The following CEP192 variants were observed in gnomAD, a reference collection of about 807,000 sequenced individuals.
CEP192 encodes centrosomal protein of 192 kDa.
In CEP192, 151 loss-of-function variants were observed where a neutral mutation model predicts 271.8. The ratio of observed to expected loss-of-function variants is 0.56; its 90% confidence interval spans 0.49 to 0.64. CEP192 has a LOEUF of 0.64. Among genes scored for constraint, CEP192 ranks in the 30% least tolerant of loss-of-function variants. The pLI, the probability that CEP192 is intolerant of heterozygous loss-of-function variation, is 0.00. For missense variants in CEP192, 2,910 were observed against 3,020.5 expected (o/e 0.96, Z 0.86); for synonymous variants, 995 against 1,076.5 (o/e 0.92, Z 1.48).
At chr18:13,066,790 C>G (rs80132241) in intron 21 of CEP192, among the ~76,000 whole-genome samples, 2,793 of 152,248 alleles carry the variant, frequency 0.018, 84 homozygotes, top group East Asian at 0.13. Flanking sequence ...TCACAACAAG[C>G]TTGAAGTCAC....
chr18:13,093,293 G>A (rs758299046), intron 34 of CEP192, among the ~76,000 whole-genome samples: 1 of 152,170 alleles, frequency 6.6e-6, no homozygotes, highest in Non-Finnish European at 1.5e-5. Flanking sequence ...TTCCAATAAT[G>A]TCCTTTATGT....
chr18:13,068,435 C>T lies in CEP192; in HGVS notation c.4822+13C>T, dbSNP rs1470958705. 9.4e-6 allele frequency: 15 copies of T among 1,590,366 alleles called. No individual in the cohort carries two copies. Among genetic ancestry groups the T allele is most frequent in the East Asian group, 6.7e-5 (3 of 44,580 alleles). ...ATCAGCTCTTCAGGTATCATGTTTA[C>T]ACTGTGTGGGAATTGCTTTAATCTG... On this transcript the variant is annotated intron_variant, in intron 24 of 44. Coordinates refer to ENST00000506447, the MANE Select transcript of CEP192 (RefSeq NM_032142.4).
At chr18:13,019,394 A>C (rs2034855916) in intron 9 of CEP192, among the ~76,000 whole-genome samples, 188 bp downstream of exon 9, 1 of 152,172 alleles carries the variant, frequency 6.6e-6, no homozygotes, top group South Asian at 2.1e-4. Context: ...ATTTTCTTGC[A>C]TTTAAATATT....
intron 40 of CEP192, among the ~76,000 whole-genome samples, chr18:13,110,431 ATT>A (rs58685532): frequency 1.1e-4 from 16 of 146,308 alleles, no homozygotes; most frequent in East Asian, 4.0e-4. Flanking sequence ...TAATCAATTG[ATT>A]TTTTTTTTTT....
intron 41 of CEP192, 73 bp downstream of exon 41, chr18:13,113,778 G>A: frequency 7.1e-7 from 1 of 1,412,334 alleles, no homozygotes; most frequent in Non-Finnish European, 9.6e-7. Context: ...AATAAGAAAA[G>A]TTGGCCTGAA....
In CEP192 at chr18:13,014,299, C is replaced by G. The variant is rs186453569; in HGVS notation, c.520-1029C>G. ...AACAAAAGTATAGAAACATGAGATG[C>G]TTGATTAAAAAGAGGAAGAAATGAG... On this transcript the variant is annotated intron_variant, in intron 5 of 44. Transcript: ENST00000506447. 9.0e-4 allele frequency among the ~76,000 whole-genome samples: 137 copies of G among 152,178 alleles called. 1 individual carries two copies. Among genetic ancestry groups the G allele is most frequent in the African/African-American group, 3.0e-3 (125 of 41,508 alleles).
intron 21 of CEP192, 22 bp from the exon 22 acceptor site, chr18:13,067,809 A>C: frequency 6.3e-7 from 1 of 1,589,804 alleles, no homozygotes; most frequent in Non-Finnish European, 8.6e-7. Context: ...TTCATAAATC[A>C]TTCCCTTTTT....
At chr18:13,081,629 T>C (rs546991226) in intron 30 of CEP192, among the ~76,000 whole-genome samples, 2 of 152,342 alleles carry the variant, frequency 1.3e-5, no homozygotes, top group South Asian at 4.1e-4. Flanking sequence ...TTTGTGTCTC[T>C]ATCTCCTTCA....
At chr18:13,050,959 A>G (rs2036754103) in intron 17 of CEP192, among the ~76,000 whole-genome samples, 1 of 152,176 alleles carries the variant, frequency 6.6e-6, no homozygotes, top group Non-Finnish European at 1.5e-5. Context: ...ATGGTGTAGT[A>G]TGTTTACAGT....
At chr18:12,999,383 G>T in intron 1 of CEP192, 38 bp from the exon 2 acceptor site, 1 of 1,363,796 alleles carries the variant, frequency 7.3e-7, no homozygotes, top group Non-Finnish European at 9.8e-7. Flanking sequence ...ACATTTTATA[G>T]TAATATGTGA....
chr18:13,006,149 CT>C (rs969783162), intron 3 of CEP192, among the ~76,000 whole-genome samples: 27 of 151,254 alleles, frequency 1.8e-4, no homozygotes, highest in Admixed American at 1.2e-3. Flanking sequence ...TCTATATCTA[CT>C]TTTTTTTTCC....
intron 12 of CEP192, 23 bp from the exon 13 acceptor site, chr18:13,038,347 C>G: frequency 6.5e-7 from 1 of 1,528,092 alleles, no homozygotes; most frequent in Non-Finnish European, 8.9e-7. Context: ...GGGAAAGAAA[C>G]GAAACAATAA....
intron 9 of CEP192, among the ~76,000 whole-genome samples, chr18:13,023,988 C>T (rs546485525): frequency 6.6e-6 from 1 of 152,102 alleles, no homozygotes; most frequent in South Asian, 2.1e-4. Flanking sequence ...GTGAAGTATT[C>T]CATAGATGTC....
intron 15 of CEP192, among the ~76,000 whole-genome samples, chr18:13,047,206 A>G (rs2036530204): frequency 6.6e-6 from 1 of 152,124 alleles, no homozygotes; most frequent in Non-Finnish European, 1.5e-5. Context: ...GATCACTTTC[A>G]TTCGTTTATT....
At chr18:13,033,605 A>G (rs1461825056) in intron 11 of CEP192, among the ~76,000 whole-genome samples, 2 of 152,258 alleles carry the variant, frequency 1.3e-5, no homozygotes, top group Non-Finnish European at 2.9e-5. Context: ...TACATGGTGT[A>G]TGTGCAGGCT....
intron 11 of CEP192, among the ~76,000 whole-genome samples, chr18:13,035,266 C>G (rs540764487): frequency 9.2e-5 from 14 of 152,228 alleles, no homozygotes; most frequent in African/African-American, 3.4e-4. Context: ...TTTGGGTTAC[C>G]TTCTGTATTA....
intron 32 of CEP192, among the ~76,000 whole-genome samples, chr18:13,088,174 G>A (rs964634655): frequency 6.6e-6 from 1 of 152,196 alleles, no homozygotes; most frequent in African/African-American, 2.4e-5. Flanking sequence ...TTTAAATATA[G>A]GGCGGGCTGT....
intron 40 of CEP192, among the ~76,000 whole-genome samples, chr18:13,111,930 A>G (rs993427804): frequency 6.6e-6 from 1 of 152,240 alleles, no homozygotes. Flanking sequence ...AGTATCACTT[A>G]ATACCCACTA....
chr18:13,098,426 G>T (rs1053959860), intron 36 of CEP192, among the ~76,000 whole-genome samples: 5 of 147,228 alleles, frequency 3.4e-5, no homozygotes, highest in African/African-American at 1.2e-4. Context: ...TCTCAGACGG[G>T]GCGGCTGCCG....
Sources: gnomAD v4.1 joint callset for allele counts (sites outside exome capture counted in the v4.1 genomes callset) on GRCh38, gnomAD v4.1.1 for gene constraint, MANE v1.5 for transcripts, NCBI Gene and HGNC (gene_info 2026-07-23, HGNC 2026-07-21) for gene names.